Variants in A1CF observed in about 807,000 individuals in gnomAD.
The protein encoded by A1CF is APOBEC-1 stimulating protein.
A neutral mutation model predicts 68.9 loss-of-function variants in A1CF; 48 were observed. That is an observed-to-expected ratio of 0.70 (90% confidence interval 0.55 to 0.89). The LOEUF is 0.89. Ranked by LOEUF, A1CF falls within the 40% of genes least tolerant of loss-of-function variation. A1CF has a pLI of 0.00. For missense variants in A1CF, 653 were observed against 718.9 expected (o/e 0.91, Z 1.05); for synonymous variants, 272 against 260.4 (o/e 1.04, Z -0.43).
At chr10:50,857,574 G>A (rs1840544788) in intron 3 of A1CF, among the ~76,000 whole-genome samples, 1 of 152,160 alleles carries the variant, frequency 6.6e-6, no homozygotes, top group African/African-American at 2.4e-5. Flanking sequence ...CCCCCTAAGT[G>A]GGAGGAATTG....
chr10:50,882,084 C>A (rs1042572937), intron 1 of A1CF, among the ~76,000 whole-genome samples: 1 of 152,020 alleles, frequency 6.6e-6, no homozygotes, highest in Non-Finnish European at 1.5e-5. Flanking sequence ...TTGCATCAAT[C>A]AAAAATATTC....
intron 9 of A1CF, among the ~76,000 whole-genome samples, chr10:50,814,797 A>G (rs1838288749): frequency 6.6e-6 from 1 of 152,010 alleles, no homozygotes; most frequent in African/African-American, 2.4e-5. Context: ...TTTTTTCGAC[A>G]TCATAACTGG....
chr10:50,819,522 C>T (rs1393397549), intron 8 of A1CF, among the ~76,000 whole-genome samples: 5 of 152,146 alleles, frequency 3.3e-5, no homozygotes, highest in African/African-American at 9.7e-5. Flanking sequence ...ATGCTGTGAG[C>T]CCCAAATTCT....
chr10:50,855,152 G>C (rs1009698444), intron 3 of A1CF, among the ~76,000 whole-genome samples: 2 of 151,842 alleles, frequency 1.3e-5, no homozygotes, highest in African/African-American at 4.8e-5. Flanking sequence ...AAAATTTCAG[G>C]TGAGAGGAGC....
chr10:50,866,692 T>C (rs536955210), intron 1 of A1CF, among the ~76,000 whole-genome samples: 70 of 152,314 alleles, frequency 4.6e-4, no homozygotes, highest in Non-Finnish European at 7.5e-4. Flanking sequence ...ATTTATCTTG[T>C]ACCTAAAAGC....
intron 1 of A1CF, among the ~76,000 whole-genome samples, chr10:50,867,016 G>GTT (rs1252757608): frequency 2.8e-5 from 4 of 143,966 alleles, no homozygotes; most frequent in Admixed American, 7.0e-5. Context: ...TGCCTGGCCT[G>GTT]TTTTTTTTTT....
intron 1 of A1CF, among the ~76,000 whole-genome samples, chr10:50,866,748 G>A (rs1841010376): frequency 6.6e-6 from 1 of 152,152 alleles, no homozygotes; most frequent in Non-Finnish European, 1.5e-5. Flanking sequence ...ACTAAGCGAG[G>A]ATTTTAAGTG....
intron 1 of A1CF, among the ~76,000 whole-genome samples, chr10:50,869,212 A>G (rs569289068): frequency 6.6e-6 from 1 of 152,304 alleles, no homozygotes; most frequent in South Asian, 2.1e-4. Context: ...AGTCTAAAAA[A>G]GGATAAGAAT....
rs748189892 is a variant in A1CF at position 50,800,702 on chromosome 10, G to A, written c.*6027C>T. 2.0e-5 allele frequency: 3 copies of A among 152,046 alleles called. No individual in the cohort carries two copies. The highest frequency in any genetic ancestry group is 4.4e-5 in the Non-Finnish European group (3 of 67,994). The allele number at this position is 152,046 out of a possible 1,614,324, so 9.4% of individuals were successfully genotyped here. A position where few individuals can be genotyped will look rare whatever the true frequency, so the allele number is the denominator to read the frequency against. The stretch of plus-strand genomic sequence containing the variant: ...TTGTTTAATTTCCAATGTTAGTGAA[G>A]AGAATAGAGGGAGGGAAAAAGGGAA... On this transcript the variant is annotated 3_prime_UTR_variant, in exon 13 of 13. Transcript: ENST00000373997.
In A1CF at chr10:50,832,663, A is replaced by G. The variant is rs185202109; in HGVS notation, c.604+3411T>C. Among the ~76,000 whole-genome samples, 3 of 152,340 alleles carry G rather than the reference A, an allele frequency of 2.0e-5. No homozygotes were observed. In the East Asian group the frequency reaches 5.8e-4, roughly 29 times the overall value. On this transcript the variant is annotated intron_variant, in intron 6 of 12. Transcript: ENST00000373997. ...AAATGTCAGAACAATCATCCTGGCT[A>G]GAAAACATATCCTTTCTAACATCAG...
chr10:50,820,584 C>A lies in A1CF; in HGVS notation c.835G>T (p.Ala279Ser). The A allele has an allele frequency of 6.2e-7, 1 of 1,613,598 alleles. No individual in the cohort carries two copies. The change falls in exon 8 of 13, where the codon GCA (alanine) becomes TCA (serine). Residue 279 changes from alanine to serine, a missense_variant. Physicochemically the swap from Ala to Ser is moderately conservative, Grantham distance 99. Coordinates refer to ENST00000373997, the MANE Select transcript of A1CF (RefSeq NM_014576.4). The part of the protein sequence containing the change: ...AFVHFSNRED[A>S]VEAMKALNGK... ...TTTAAAGCTTTCATAGCCTCAACTG[C>A]ATCTTCTCGGTTACTGAAGTGCACA...
chr10:50,829,995 A>G (rs1839163293), intron 6 of A1CF, among the ~76,000 whole-genome samples: 1 of 152,200 alleles, frequency 6.6e-6, no homozygotes, highest in African/African-American at 2.4e-5. Context: ...ATGTAAAATG[A>G]TTAAATGAAG....
At chr10:50,817,594 A>G (rs2132343366) in intron 8 of A1CF, among the ~76,000 whole-genome samples, 1 of 152,306 alleles carries the variant, frequency 6.6e-6, no homozygotes, top group Middle Eastern at 3.4e-3. Flanking sequence ...TAATTAGAAA[A>G]AGTAGACCTG....
intron 1 of A1CF, among the ~76,000 whole-genome samples, chr10:50,870,947 G>A (rs908204701): frequency 3.3e-5 from 5 of 151,462 alleles, no homozygotes; most frequent in Non-Finnish European, 5.9e-5. Context: ...AGGGATTATC[G>A]AAGTTTAATT....
intron 1 of A1CF, among the ~76,000 whole-genome samples, chr10:50,866,447 T>G (rs1840994376): frequency 6.6e-6 from 1 of 152,158 alleles, no homozygotes. Flanking sequence ...AGCTGCTCAA[T>G]GGAAATTGCC....
intron 5 of A1CF, among the ~76,000 whole-genome samples, chr10:50,836,670 C>T (rs1212062487): frequency 6.8e-6 from 1 of 146,274 alleles, no homozygotes. Flanking sequence ...GGTATATCTC[C>T]TAATGCTATC....
chr10:50,827,942 A>G (rs1187096715), intron 7 of A1CF, among the ~76,000 whole-genome samples, 189 bp downstream of exon 7: 1 of 152,188 alleles, frequency 6.6e-6, no homozygotes, highest in African/African-American at 2.4e-5. Context: ...ACAATAAAAA[A>G]TGATAAAGGG....
chr10:50,881,471 A>T (rs955620419), intron 1 of A1CF, among the ~76,000 whole-genome samples: 1 of 152,216 alleles, frequency 6.6e-6, no homozygotes. Context: ...GGCATACTGA[A>T]TTGACATCAA....
intron 3 of A1CF, among the ~76,000 whole-genome samples, chr10:50,858,245 A>G (rs1177191073): frequency 6.6e-6 from 1 of 152,176 alleles, no homozygotes; most frequent in Non-Finnish European, 1.5e-5. Context: ...CAATTTTTTT[A>G]AATGAAGGAT....
Sources: gnomAD v4.1 joint callset for allele counts (sites outside exome capture counted in the v4.1 genomes callset) on GRCh38, gnomAD v4.1.1 for gene constraint, MANE v1.5 for transcripts, NCBI Gene and HGNC (gene_info 2026-07-23, HGNC 2026-07-21) for gene names.